SPON1: variants seen among roughly 807,000 people sequenced by gnomAD.
SPON1 encodes the protein spondin-1.
SPON1 carries 52 observed loss-of-function variants against 111.7 expected under a neutral mutation model. The observed-to-expected ratio is 0.47, with a 90% CI of 0.37 to 0.59. The LOEUF is 0.59. Among genes scored for constraint, SPON1 ranks in the 20% least tolerant of loss-of-function variants. SPON1 has a pLI of 0.00. For synonymous variants in SPON1, 410 were observed against 395.8 expected (o/e 1.04, Z -0.43); for missense variants, 957 against 1,068.5 (o/e 0.90, Z 1.46).
In SPON1 at chr11:14,135,642, G is replaced by T; in HGVS notation, c.825+74G>T. On this transcript the variant is annotated intron_variant, in intron 6 of 15. Coordinates refer to ENST00000576479, the MANE Select transcript of SPON1 (RefSeq NM_006108.4). The surrounding 1 kb of genome is among the most constrained non-coding windows in gnomAD (Gnocchi z 4.4). ...AGCACTCCTTAGATATCTTTCCCAG[G>T]GGCTTGAAATTTGCAGTACAATGTG... 1 of 1,488,068 alleles carries T rather than the reference G, an allele frequency of 6.7e-7. No homozygotes were observed. Among genetic ancestry groups the T allele is most frequent in the Non-Finnish European group, 9.2e-7 (1 of 1,084,482 alleles). 92.2% of individuals were successfully genotyped at this position (1,488,068 alleles called of 1,614,324 possible).
At chr11:14,028,341 C>T (rs1189353125) in intron 2 of SPON1, among the ~76,000 whole-genome samples, 3 of 151,800 alleles carry the variant, frequency 2.0e-5, no homozygotes, top group Non-Finnish European at 2.9e-5. Flanking sequence ...AAAATATTAC[C>T]TCGGCATGGT....
chr11:14,134,343 C>T (rs1370393422), intron 5 of SPON1, among the ~76,000 whole-genome samples: 3 of 151,950 alleles, frequency 2.0e-5, no homozygotes, highest in Admixed American at 6.5e-5. Context: ...CAGTAAGGTG[C>T]TGATACTATC....
intron 2 of SPON1, among the ~76,000 whole-genome samples, chr11:13,987,428 G>A (rs893044031): frequency 2.0e-5 from 3 of 152,004 alleles, no homozygotes; most frequent in Non-Finnish European, 4.4e-5. Flanking sequence ...GTAAACTTAA[G>A]TTCTTTGTAG....
At chr11:14,127,626 G>A (rs1847476087) in intron 5 of SPON1, among the ~76,000 whole-genome samples, 1 of 152,150 alleles carries the variant, frequency 6.6e-6, no homozygotes, top group Admixed American at 6.5e-5. Flanking sequence ...GCATTTTTGG[G>A]TTAACTGAAT....
At chr11:14,233,317 C>T (rs1415368728) in intron 6 of SPON1, among the ~76,000 whole-genome samples, 1 of 152,196 alleles carries the variant, frequency 6.6e-6, no homozygotes, top group African/African-American at 2.4e-5. Flanking sequence ...TCTTCCCTGG[C>T]CCTATGTCGC....
At chr11:14,074,353 CTG>C (rs1368871534) in intron 3 of SPON1, among the ~76,000 whole-genome samples, 2 of 152,196 alleles carry the variant, frequency 1.3e-5, no homozygotes, top group African/African-American at 4.8e-5. Flanking sequence ...CCTCTGTACT[CTG>C]TGGATCCATG....
intron 3 of SPON1, among the ~76,000 whole-genome samples, chr11:14,057,282 G>C (rs1554919266): frequency 1.3e-5 from 2 of 152,220 alleles, no homozygotes; most frequent in Non-Finnish European, 2.9e-5. Context: ...ATTCCTGCTA[G>C]AGATGCATAA....
At chr11:14,153,374 A>C (rs1217682668) in intron 6 of SPON1, among the ~76,000 whole-genome samples, 1 of 152,174 alleles carries the variant, frequency 6.6e-6, no homozygotes, top group African/African-American at 2.4e-5. Flanking sequence ...TGGAGACCTC[A>C]GGAAGCTTGC....
chr11:14,210,564 TA>T (rs1454076797), intron 6 of SPON1, among the ~76,000 whole-genome samples: 3 of 151,994 alleles, frequency 2.0e-5, no homozygotes, highest in Non-Finnish European at 4.4e-5. Context: ...CATGCCTGGC[TA>T]ATTTTTATAG....
intron 2 of SPON1, among the ~76,000 whole-genome samples, chr11:14,002,359 T>C (rs1554912540): frequency 6.6e-6 from 1 of 151,996 alleles, no homozygotes; most frequent in East Asian, 2.0e-4. Flanking sequence ...CCCTGCATCT[T>C]TTATAAGCAT....
chr11:14,018,911 T>G (rs910686966), intron 2 of SPON1, among the ~76,000 whole-genome samples: 1 of 152,206 alleles, frequency 6.6e-6, no homozygotes, highest in Non-Finnish European at 1.5e-5. Context: ...CAGCCAGCAC[T>G]TGTAAGCATT....
intron 6 of SPON1, among the ~76,000 whole-genome samples, chr11:14,205,885 A>T (rs1173950193): frequency 2.6e-5 from 4 of 152,052 alleles, no homozygotes; most frequent in Non-Finnish European, 5.9e-5. Context: ...ATTTCTTTTT[A>T]TTGGAATGGC....
At chr11:14,041,385 C>A in intron 2 of SPON1, 136 bp from the exon 3 acceptor site, 1 of 1,025,870 alleles carries the variant, frequency 9.7e-7, no homozygotes, top group Non-Finnish European at 1.4e-6. Flanking sequence ...AAGCACTATT[C>A]TGGTGCCTGG....
At chr11:14,022,542 G>A (rs12788086) in intron 2 of SPON1, among the ~76,000 whole-genome samples, 45,164 of 152,016 alleles carry the variant, frequency 0.3, 7,912 homozygotes, top group South Asian at 0.5. Context: ...TAGTACAGTC[G>A]TGTGGTCCTC....
intron 2 of SPON1, among the ~76,000 whole-genome samples, chr11:13,998,290 T>C (rs1270900258): frequency 6.6e-6 from 1 of 152,208 alleles, no homozygotes; most frequent in African/African-American, 2.4e-5. Flanking sequence ...ATTTTCTCTA[T>C]TCTGCATCTC....
At chr11:14,138,682 G>T (rs574608506) in intron 6 of SPON1, among the ~76,000 whole-genome samples, 1 of 152,250 alleles carries the variant, frequency 6.6e-6, no homozygotes, top group Admixed American at 6.5e-5. Context: ...GGAGTGGAAA[G>T]TGAGCTTATG....
rs532963113 is a variant in SPON1, at chr11:14,091,592, G to A, written c.676+11571G>A. The stretch of plus-strand genomic sequence containing the variant: ...CCGGGTGCTAAGTCCCTCATTGCCC[G>A]GGGCCAGCAGGGCTGGCCGCCTGCT... On this transcript the variant is annotated intron_variant, in intron 5 of 15. Transcript: ENST00000576479. Among the ~76,000 whole-genome samples, 26 of 152,246 alleles carry A rather than the reference G, an allele frequency of 1.7e-4. No homozygotes were observed. The South Asian group carries it at 4.3e-3, about 25-fold the overall frequency.
chr11:14,114,006 G>C (rs1554925738), intron 5 of SPON1, among the ~76,000 whole-genome samples: 1 of 152,088 alleles, frequency 6.6e-6, no homozygotes. Context: ...AACACATCAT[G>C]GGTAATGGTG....
At chr11:13,973,407 C>T (rs1848078497) in intron 1 of SPON1, among the ~76,000 whole-genome samples, 1 of 152,244 alleles carries the variant, frequency 6.6e-6, no homozygotes, top group Non-Finnish European at 1.5e-5. Flanking sequence ...CAGCTACGTT[C>T]TCTTGGCTGA....
Sources: allele counts gnomAD v4.1 joint callset (sites outside exome capture counted in the v4.1 genomes callset), GRCh38; gene constraint gnomAD v4.1.1; non-coding constraint Gnocchi (gnomAD v3.1); transcripts MANE v1.5; gene names NCBI Gene and HGNC (gene_info 2026-07-23, HGNC 2026-07-21).